The following LMX1A variants were observed in gnomAD, a reference collection of about 807,000 sequenced individuals.
The protein encoded by LMX1A is LIM homeobox transcription factor 1-alpha.
Under a neutral mutation model 49.1 loss-of-function variants are expected in LMX1A, and 15 were observed. The observed-to-expected ratio is 0.31, with a 90% CI of 0.20 to 0.47. The LOEUF is 0.47. Ranked by LOEUF, LMX1A falls within the 20% of genes least tolerant of loss-of-function variation. The pLI, the probability that LMX1A is intolerant of heterozygous loss-of-function variation, is 1.00. For synonymous variants in LMX1A, 167 were observed against 185.7 expected (o/e 0.90, Z 0.82); for missense variants, 372 against 475.8 (o/e 0.78, Z 2.03).
chr1:165,224,425 G>A (rs12742947), intron 4 of LMX1A, among the ~76,000 whole-genome samples: 19,960 of 152,158 alleles, frequency 0.13, 1,339 homozygotes, highest in Admixed American at 0.15. Flanking sequence ...AAATGGGGTC[G>A]TTGAAAGCAC....
intron 4 of LMX1A, among the ~76,000 whole-genome samples, chr1:165,240,952 T>C (rs1652628231): frequency 6.6e-6 from 1 of 152,216 alleles, no homozygotes; most frequent in African/African-American, 2.4e-5. Context: ...ACTGTATGCA[T>C]CAGTTTTCTG....
intron 3 of LMX1A, among the ~76,000 whole-genome samples, chr1:165,283,280 C>T (rs75680646): frequency 0.021 from 3,126 of 152,260 alleles, 99 homozygotes; most frequent in African/African-American, 0.072. Context: ...TACCACACAG[C>T]CTAAATGTGT....
At chr1:165,342,699 A>G (rs1259041958) in intron 3 of LMX1A, among the ~76,000 whole-genome samples, 1 of 152,112 alleles carries the variant, frequency 6.6e-6, no homozygotes, top group African/African-American at 2.4e-5. Flanking sequence ...CTTCCTTTAA[A>G]ACCACAGAAT....
chr1:165,355,632 G>C lies in LMX1A; in HGVS notation c.-22-51C>G. On this transcript the variant is annotated intron_variant, in intron 1 of 8. Coordinates refer to ENST00000342310, the MANE Select transcript of LMX1A (RefSeq NM_177398.4). The surrounding 1 kb of genome is among the most constrained non-coding windows in gnomAD (Gnocchi z 4.7). ...CTGACGTCCGTGCCCGCTGGGACTC[G>C]GCGCCAGCAGCCACCGCACTCCTGG... The C allele has an allele frequency of 2.1e-6, 3 of 1,400,238 alleles. No individual in the cohort carries two copies. Among genetic ancestry groups the C allele is most frequent in the Non-Finnish European group, 3.0e-6 (3 of 1,000,924 alleles). The allele number at this position is 1,400,238 out of a possible 1,614,324, so 86.7% of individuals were successfully genotyped here.
intron 3 of LMX1A, among the ~76,000 whole-genome samples, chr1:165,256,635 T>C (rs1653250339): frequency 6.6e-6 from 1 of 151,826 alleles, no homozygotes; most frequent in East Asian, 1.9e-4. Flanking sequence ...AATAGAAGAG[T>C]ATCATTGGAA....
At chr1:165,292,061 C>CAAAAAA (rs771664986) in intron 3 of LMX1A, among the ~76,000 whole-genome samples, 14 of 82,520 alleles carry the variant, frequency 1.7e-4, no homozygotes, top group East Asian at 4.3e-4. Context: ...AACTCCGTCT[C>CAAAAAA]AAAAAAAAAA....
intron 3 of LMX1A, among the ~76,000 whole-genome samples, chr1:165,274,227 C>T (rs1208989861): frequency 6.6e-6 from 1 of 152,190 alleles, no homozygotes; most frequent in Non-Finnish European, 1.5e-5. Context: ...CCATCCATTG[C>T]CAATACCTCT....
chr1:165,239,077 ATGAT>A (rs386636320), intron 4 of LMX1A, among the ~76,000 whole-genome samples: 196 of 152,334 alleles, frequency 1.3e-3, no homozygotes, highest in Non-Finnish European at 7.9e-4. Context: ...TGAAAAAATC[ATGAT>A]GTGATCATTT....
intron 3 of LMX1A, among the ~76,000 whole-genome samples, chr1:165,283,774 G>A (rs1440297066): frequency 6.6e-6 from 1 of 152,188 alleles, no homozygotes; most frequent in African/African-American, 2.4e-5. Flanking sequence ...TTTTTCAAAT[G>A]TATGGTCTTC....
intron 4 of LMX1A, among the ~76,000 whole-genome samples, chr1:165,230,743 AG>A (rs1652210782): frequency 6.6e-6 from 1 of 152,232 alleles, no homozygotes; most frequent in East Asian, 1.9e-4. Flanking sequence ...GTCACAGATA[AG>A]GAAAGGAGCT....
chr1:165,210,378 G>A (rs1271540532), intron 6 of LMX1A, among the ~76,000 whole-genome samples: 1 of 152,168 alleles, frequency 6.6e-6, no homozygotes, highest in African/African-American at 2.4e-5. Context: ...TTTGGTATTT[G>A]CATTAAATAA....
chr1:165,298,717 A>G (rs571446078), intron 3 of LMX1A, among the ~76,000 whole-genome samples: 2 of 152,398 alleles, frequency 1.3e-5, no homozygotes, highest in Non-Finnish European at 2.9e-5. Flanking sequence ...CAAGGCCTAC[A>G]GAAAGGACTG....
At chr1:165,266,591 C>CTTTCT (rs1437300196) in intron 3 of LMX1A, among the ~76,000 whole-genome samples, 6 of 94,852 alleles carry the variant, frequency 6.3e-5, no homozygotes, top group African/African-American at 2.3e-4. Context: ...TCTCTTCTTT[C>CTTTCT]TTTCTTTTTT....
chr1:165,292,799 C>T (rs1160998581), intron 3 of LMX1A, among the ~76,000 whole-genome samples: 16 of 152,252 alleles, frequency 1.1e-4, no homozygotes, highest in African/African-American at 1.4e-4. Flanking sequence ...GCTTTACCCA[C>T]GTGTCACATT....
intron 3 of LMX1A, among the ~76,000 whole-genome samples, chr1:165,304,152 A>T (rs1342790541): frequency 6.6e-6 from 1 of 152,102 alleles, no homozygotes; most frequent in Non-Finnish European, 1.5e-5. Context: ...TAACCCTGGG[A>T]AAGTTACTTA....
chr1:165,348,745 C>T (rs1213590269), intron 3 of LMX1A, among the ~76,000 whole-genome samples: 1 of 152,122 alleles, frequency 6.6e-6, no homozygotes, highest in African/African-American at 2.4e-5. Context: ...ACACTTCCTC[C>T]ACTACCTTGA....
At chr1:165,208,182 T>G (rs1418858152) in intron 6 of LMX1A, 50 bp from the exon 7 acceptor site, 1 of 1,561,726 alleles carries the variant, frequency 6.4e-7, no homozygotes, top group South Asian at 1.1e-5. Flanking sequence ...CTGCAGCATG[T>G]TCACAAAGTA....
chr1:165,271,742 C>A (rs73013419), intron 3 of LMX1A, among the ~76,000 whole-genome samples: 8 of 152,134 alleles, frequency 5.3e-5, no homozygotes, highest in African/African-American at 9.6e-5. Flanking sequence ...AAATACCTGG[C>A]AGGAGGAGGA....
At chr1:165,310,121 T>C (rs1655033468) in intron 3 of LMX1A, among the ~76,000 whole-genome samples, 1 of 152,238 alleles carries the variant, frequency 6.6e-6, no homozygotes, top group Non-Finnish European at 1.5e-5. Context: ...TGAATTCTTG[T>C]CCACCACAGT....
Sources: allele counts gnomAD v4.1 joint callset (sites outside exome capture counted in the v4.1 genomes callset), GRCh38; gene constraint gnomAD v4.1.1; non-coding constraint Gnocchi (gnomAD v3.1); transcripts MANE v1.5; gene names NCBI Gene and HGNC (gene_info 2026-07-23, HGNC 2026-07-21).